NAALADL2: variants seen among roughly 807,000 people sequenced by gnomAD.
The protein encoded by NAALADL2 is N-acetylated alpha-linked acidic dipeptidase like 2, also known as inactive N-acetylated-alpha-linked acidic dipeptidase-like protein 2.
In NAALADL2, 76 loss-of-function variants were observed where a neutral mutation model predicts 87.2. The observed-to-expected ratio is 0.87, with a 90% CI of 0.72 to 1.05. The LOEUF (loss-of-function observed/expected upper bound fraction) is 1.05. Among genes scored for constraint, NAALADL2 ranks in the 50% least tolerant of loss-of-function variants. The pLI is 0.00. For synonymous variants in NAALADL2, 354 were observed against 331.0 expected (o/e 1.07, Z -0.75); for missense variants, 1,089 against 945.8 (o/e 1.15, Z -1.99).
chr3:175,136,756 A>C (rs1729177218), intron 2 of NAALADL2, among the ~76,000 whole-genome samples: 1 of 152,158 alleles, frequency 6.6e-6, no homozygotes, highest in Non-Finnish European at 1.5e-5. Context: ...AACACTATTT[A>C]GCAGATTTCT....
At chr3:174,940,349 A>AG (rs1231952315) in intron 1 of NAALADL2, among the ~76,000 whole-genome samples, 1 of 152,160 alleles carries the variant, frequency 6.6e-6, no homozygotes, top group African/African-American at 2.4e-5. Context: ...CTTGCATCCC[A>AG]GGGGTGAAGC....
chr3:175,008,786 C>T (rs184225913), intron 1 of NAALADL2, among the ~76,000 whole-genome samples: 25 of 151,054 alleles, frequency 1.7e-4, no homozygotes, highest in Admixed American at 4.0e-4. Flanking sequence ...TCTAGGATTC[C>T]TTGCAGTTCC....
At chr3:174,470,412 A>G (rs1263359424) in intron 1 of NAALADL2, among the ~76,000 whole-genome samples, 2 of 152,106 alleles carry the variant, frequency 1.3e-5, no homozygotes, top group African/African-American at 4.8e-5. Flanking sequence ...CCTTTGTCGC[A>G]TGCATAGCTT....
chr3:174,802,817 C>A (rs1292608598), intron 3 of NAALADL2, among the ~76,000 whole-genome samples: 2 of 152,076 alleles, frequency 1.3e-5, no homozygotes, highest in Non-Finnish European at 2.9e-5. Context: ...CAAACTCACC[C>A]TTTTTTATGC....
intron 5 of NAALADL2, among the ~76,000 whole-genome samples, chr3:175,410,960 A>G (rs1378489409): frequency 1.3e-5 from 2 of 152,178 alleles, no homozygotes; most frequent in Non-Finnish European, 2.9e-5. Flanking sequence ...AAGCCATTGA[A>G]ATGTTATAGC....
intron 3 of NAALADL2, among the ~76,000 whole-genome samples, chr3:175,246,569 CCT>C (rs1334253419): frequency 2.0e-5 from 3 of 152,110 alleles, no homozygotes; most frequent in African/African-American, 7.2e-5. Context: ...GGAATGTTCC[CCT>C]GTGTGGAGTC....
rs1727555240 is a variant in NAALADL2, at chr3:174,869,640, T to G, written c.43+10190T>G. Among the ~76,000 whole-genome samples the G allele has an allele frequency of 3.3e-5, 5 of 152,186 alleles. No homozygotes were observed. The South Asian group carries it at 1.0e-3, about 32-fold the overall frequency. ...CAAGATGGAGCTGTGTGTGGAGTGT[T>G]GAATCCATGAAACATAAATAAAAAG... On this transcript the variant is annotated intron_variant, in intron 1 of 13. Coordinates refer to ENST00000454872, the MANE Select transcript of NAALADL2 (RefSeq NM_207015.3).
intron 1 of NAALADL2, among the ~76,000 whole-genome samples, chr3:174,978,322 G>A (rs774872993): frequency 8.5e-5 from 13 of 152,314 alleles, no homozygotes; most frequent in South Asian, 6.2e-4. Context: ...TTTAATGTCA[G>A]TTTTTAATTT....
chr3:175,431,358 T>TTTTG (rs569729853), intron 5 of NAALADL2, among the ~76,000 whole-genome samples: 26 of 152,108 alleles, frequency 1.7e-4, no homozygotes, highest in East Asian at 3.9e-4. Flanking sequence ...AATAGAGATT[T>TTTTG]TTTGTTTGTT....
At chr3:174,891,104 G>T (rs747205485) in intron 1 of NAALADL2, among the ~76,000 whole-genome samples, 12 of 151,996 alleles carry the variant, frequency 7.9e-5, no homozygotes, top group Non-Finnish European at 1.6e-4. Flanking sequence ...ATGCAAGGAG[G>T]TCTTCAGTAA....
rs531412012 is a variant in NAALADL2 at position 174,785,356 on chromosome 3, G to A, written c.-9+47610G>A. ...GCATGGTATTTTATTTTCATTCTGC[G>A]TATACCTAGTCAGTTATCCCAGCAC... On this transcript the variant is annotated intron_variant, in intron 3 of 3. Coordinates refer to the NAALADL2 transcript ENST00000434257. Among the ~76,000 whole-genome samples the A allele has an allele frequency of 4.3e-4, 65 of 152,114 alleles. 1 individual carries two copies. In the South Asian group the frequency reaches 0.011, roughly 26 times the overall value.
chr3:175,612,973 CACT>C (rs1285801088), intron 10 of NAALADL2, among the ~76,000 whole-genome samples: 1 of 152,082 alleles, frequency 6.6e-6, no homozygotes, highest in Non-Finnish European at 1.5e-5. Flanking sequence ...CGGGATCCAC[CACT>C]GAGAGCTGAA....
chr3:174,802,152 T>C (rs1718919217), intron 3 of NAALADL2, among the ~76,000 whole-genome samples: 1 of 152,024 alleles, frequency 6.6e-6, no homozygotes, highest in Non-Finnish European at 1.5e-5. Flanking sequence ...AAACAATATT[T>C]ATATTAAACA....
chr3:175,754,511 T>G (rs2150131394), intron 12 of NAALADL2, among the ~76,000 whole-genome samples: 1 of 152,298 alleles, frequency 6.6e-6, no homozygotes, highest in Middle Eastern at 3.4e-3. Flanking sequence ...AAAATAGTTT[T>G]TAGTGTATTT....
chr3:174,962,689 G>T, intron 1 of NAALADL2, among the ~76,000 whole-genome samples: 1 of 151,982 alleles, frequency 6.6e-6, no homozygotes, highest in East Asian at 2.0e-4. Context: ...GCTGAAACTT[G>T]TTATCTCGAT....
At chr3:174,629,803 G>T (rs1315815742) in intron 2 of NAALADL2, among the ~76,000 whole-genome samples, 1 of 152,172 alleles carries the variant, frequency 6.6e-6, no homozygotes, top group Non-Finnish European at 1.5e-5. Flanking sequence ...GAGACTATGT[G>T]AGTCCTGTGC....
At chr3:174,965,416 A>G (rs560011903) in intron 1 of NAALADL2, among the ~76,000 whole-genome samples, 1 of 152,314 alleles carries the variant, frequency 6.6e-6, no homozygotes, top group South Asian at 2.1e-4. Context: ...GGCGATTTCT[A>G]TGGAAAATTA....
chr3:175,319,788 C>T (rs1581402049), intron 4 of NAALADL2, among the ~76,000 whole-genome samples: 3 of 152,220 alleles, frequency 2.0e-5, no homozygotes, highest in East Asian at 3.9e-4. Flanking sequence ...CCACTGCAAT[C>T]CAGCCTGGGC....
chr3:175,279,846 A>T (rs887924911), intron 4 of NAALADL2, among the ~76,000 whole-genome samples: 6 of 151,224 alleles, frequency 4.0e-5, no homozygotes, highest in African/African-American at 9.7e-5. Context: ...TGTAAACTGC[A>T]GGCTGCACTG....
Sources: gnomAD v4.1 joint callset for allele counts (sites outside exome capture counted in the v4.1 genomes callset) on GRCh38, gnomAD v4.1.1 for gene constraint, MANE v1.5 for transcripts, NCBI Gene and HGNC (gene_info 2026-07-23, HGNC 2026-07-21) for gene names.